The following PLEKHA5 variants were observed in gnomAD, a reference collection of about 807,000 sequenced individuals.
PLEKHA5 encodes the protein pleckstrin homology domain-containing family A member 5.
PLEKHA5 carries 55 observed loss-of-function variants against 181.9 expected under a neutral mutation model. The ratio of observed to expected loss-of-function variants is 0.30; its 90% CI spans 0.24 to 0.38. PLEKHA5 has a LOEUF of 0.38. Among genes scored for constraint, PLEKHA5 ranks in the 10% least tolerant of loss-of-function variants. The pLI, the probability that PLEKHA5 is intolerant of heterozygous loss-of-function variation, is 1.00. For missense variants in PLEKHA5, 1,432 were observed against 1,549.5 expected, an observed-to-expected ratio of 0.92 and a Z score of 1.27; for synonymous variants, 535 against 529.4, an observed-to-expected ratio of 1.01 and a Z score of -0.15.
At chr12:19,285,084 C>T (rs2152810705) in intron 12 of PLEKHA5, among the ~76,000 whole-genome samples, 1 of 152,286 alleles carries the variant, frequency 6.6e-6, no homozygotes, top group African/African-American at 2.4e-5. Flanking sequence ...ATAGATTAAT[C>T]AGGAATTTTC....
At chr12:19,198,648 G>A (rs541928932) in intron 3 of PLEKHA5, among the ~76,000 whole-genome samples, 1 of 152,240 alleles carries the variant, frequency 6.6e-6, no homozygotes, top group African/African-American at 2.4e-5. Flanking sequence ...GATATTTGTG[G>A]AATGAATGAT....
At chr12:19,253,802 A>G in intron 3 of PLEKHA5, 138 bp from the exon 4 acceptor site, 1 of 650,404 alleles carries the variant, frequency 1.5e-6, no homozygotes. Context: ...CCTGGGCGAC[A>G]AGAATAAAAC....
At chr12:19,150,483 A>T (rs2040121620) in intron 3 of PLEKHA5, 1 of 152,138 alleles carries the variant, frequency 6.6e-6, no homozygotes, top group South Asian at 2.1e-4. Flanking sequence ...ACTGGTTAAA[A>T]TTCTTATTCA....
In PLEKHA5 at chr12:19,364,807, A is replaced by G. The variant is rs1286834165; in HGVS notation, c.3609-1157A>G. On this transcript the variant is annotated intron_variant, in intron 29 of 31. Coordinates refer to ENST00000429027, the MANE Select transcript of PLEKHA5 (RefSeq NM_001256470.2). ...CAGCCTCCCAAGTAGCTGGGTTTATAGGCGCCTGCCACTGTGCCCGGCTAA... is the reference window on the plus strand; with the variant it reads ...CAGCCTCCCAAGTAGCTGGGTTTATGGGCGCCTGCCACTGTGCCCGGCTAA... 2.0e-5 allele frequency among the ~76,000 whole-genome samples: 3 copies of G among 151,836 alleles called. No individual in the cohort carries two copies. The East Asian group carries it at 6.0e-4, about 30-fold the overall frequency.
At chr12:19,257,637 A>T in intron 6 of PLEKHA5, 100 bp downstream of exon 6, 1 of 716,786 alleles carries the variant, frequency 1.4e-6, no homozygotes, top group South Asian at 1.7e-5. Context: ...AAAATTAAGA[A>T]GGAACTATGG....
chr12:19,159,449 T>C (rs1324830265), intron 3 of PLEKHA5, among the ~76,000 whole-genome samples: 3 of 152,192 alleles, frequency 2.0e-5, no homozygotes. Flanking sequence ...TTACCCATAA[T>C]ATAGATACCA....
chr12:19,279,797 A>G (rs1344792338), intron 11 of PLEKHA5, among the ~76,000 whole-genome samples: 3 of 152,120 alleles, frequency 2.0e-5, no homozygotes, highest in African/African-American at 7.2e-5. Context: ...TAGGAAAGCA[A>G]GAATCAAAAC....
intron 25 of PLEKHA5, among the ~76,000 whole-genome samples, chr12:19,350,221 C>G (rs1195540838): frequency 6.6e-6 from 1 of 152,122 alleles, no homozygotes; most frequent in Non-Finnish European, 1.5e-5. Context: ...TAAACATGTT[C>G]TAGATATTAG....
At chr12:19,323,003 T>C (rs67254514) in intron 20 of PLEKHA5, among the ~76,000 whole-genome samples, 13,276 of 143,074 alleles carry the variant, frequency 0.093, 685 homozygotes, top group Middle Eastern at 0.18. Context: ...CTGGCACTAC[T>C]ACACCTGGCT....
Position 19,283,719 on chromosome 12 carries a change from C to G in PLEKHA5, c.1753C>G (p.Arg585Gly), listed in dbSNP as rs769993253. The change falls in exon 12 of 32, where the codon CGC (arginine) becomes GGC (glycine). Residue 585 changes from arginine (R) to glycine (G), a missense_variant. This residue lies in a region of PLEKHA5 where 1,143 missense variants were observed against 1,168.4 expected (regional missense o/e 0.98). Transcript: ENST00000429027. ...PIQRGDVTID[R>G]RHRAHHPKHV... ...TCAGAGAGGAGATGTGACAATAGAC[C>G]GCAGACACAGGGCCCATCACCCTAA... 4.3e-6 allele frequency: 7 copies of G among 1,612,994 alleles called. No homozygotes were observed. The highest frequency in any genetic ancestry group is 5.9e-6 in the Non-Finnish European group (7 of 1,179,374).
In PLEKHA5 at chr12:19,269,813, C is replaced by A; in HGVS notation, c.755C>A (p.Thr252Lys). 1 of 1,610,848 alleles carries A rather than the reference C, an allele frequency of 6.2e-7. No homozygotes were observed. The highest frequency in any genetic ancestry group is 8.5e-7 in the Non-Finnish European group (1 of 1,177,204). Residue 252 changes from threonine (T) to lysine (K), a missense_variant, in exon 9 of 32, where the codon ACA becomes AAA. This residue lies in a region of PLEKHA5 where 289 missense variants were observed against 381.1 expected (regional missense o/e 0.76). Transcript: ENST00000429027. The stretch of plus-strand genomic sequence containing the variant: ...CGGACCTATTATTTCTGCACTGATA[C>A]AGGAAAGGAAATGGAGTTGTGGATG... ...NMRTYYFCTDTGKEMELWMKA... is the reference protein window; with the variant it reads ...NMRTYYFCTDKGKEMELWMKA...
intron 20 of PLEKHA5, among the ~76,000 whole-genome samples, chr12:19,332,324 TTTC>T (rs1478552569): frequency 4.6e-5 from 7 of 152,194 alleles, no homozygotes; most frequent in African/African-American, 1.7e-4. Context: ...ACACTATTTT[TTTC>T]TTTTCTTGGA....
At chr12:19,141,800 T>A (rs1456803400) in intron 3 of PLEKHA5, among the ~76,000 whole-genome samples, 2 of 151,602 alleles carry the variant, frequency 1.3e-5, no homozygotes, top group Admixed American at 6.6e-5. Flanking sequence ...CTCACCCTGC[T>A]AGGTGAGGCC....
At chr12:19,288,866 T>A (rs914766692) in intron 13 of PLEKHA5, among the ~76,000 whole-genome samples, 1 of 152,214 alleles carries the variant, frequency 6.6e-6, no homozygotes, top group African/African-American at 2.4e-5. Flanking sequence ...CCACCTACTT[T>A]CTTTGGTCAA....
intron 24 of PLEKHA5, 77 bp downstream of exon 24, chr12:19,347,259 C>A: frequency 1.2e-6 from 1 of 867,802 alleles, no homozygotes; most frequent in Non-Finnish European, 1.7e-6. Context: ...ATTTTACACT[C>A]AAACTTTTTT....
At chr12:19,354,438 C>A (rs192682996) in intron 26 of PLEKHA5, among the ~76,000 whole-genome samples, 1 of 145,934 alleles carries the variant, frequency 6.9e-6, no homozygotes, top group East Asian at 2.0e-4. Context: ...CAGGTGTGAG[C>A]CACCGCCCCC....
intron 3 of PLEKHA5, chr12:19,153,294 A>G (rs2040885947): frequency 6.6e-6 from 1 of 151,808 alleles, no homozygotes; most frequent in African/African-American, 2.4e-5. Context: ...ATTCATTAAG[A>G]TTTTTTTTCT....
Position 19,274,919 on chromosome 12 carries a change from A to G in PLEKHA5, c.1249A>G (p.Met417Val), listed in dbSNP as rs765143663. The change falls in exon 11 of 32, where the codon ATG becomes GTG. Residue 417 changes from methionine to valine, a missense_variant. By Grantham distance (21) the Met-to-Val change is conservative. This residue lies in a region of PLEKHA5 where 1,143 missense variants were observed against 1,168.4 expected (regional missense o/e 0.98). Coordinates refer to ENST00000429027, the MANE Select transcript of PLEKHA5 (RefSeq NM_001256470.2). ...TCGAGTCATACAGAGAACAAATTCA[A>G]TGCAGCAGTTGGAACAGTGGATTAA... ...ADRVIQRTNS[M>V]QQLEQWIKIQ... is the part of the protein sequence containing the mutation. The G allele has an allele frequency of 1.1e-5, 18 of 1,613,652 alleles. No homozygotes were observed. The highest frequency in any genetic ancestry group is 4.4e-5 in the South Asian group (4 of 91,076).
intron 3 of PLEKHA5, among the ~76,000 whole-genome samples, chr12:19,241,955 G>C (rs1015633962): frequency 2.0e-5 from 3 of 152,120 alleles, no homozygotes; most frequent in African/African-American, 7.2e-5. Flanking sequence ...TCATATTTCT[G>C]TTTTAACCAT....
Sources: gnomAD v4.1 joint callset for allele counts (sites outside exome capture counted in the v4.1 genomes callset) on GRCh38, gnomAD v4.1.1 for gene constraint, gnomAD v4.1.1 regional missense constraint, MANE v1.5 for transcripts, NCBI Gene and HGNC (gene_info 2026-07-23, HGNC 2026-07-21) for gene names.